GRM5: variants seen among roughly 807,000 people sequenced by gnomAD.
GRM5 encodes the protein metabotropic glutamate receptor 5.
In GRM5, 19 loss-of-function variants were observed where a neutral mutation model predicts 83.1. That is an observed-to-expected ratio of 0.23 (90% confidence interval 0.16 to 0.34). The LOEUF (loss-of-function observed/expected upper bound fraction) is 0.34. Among genes scored for constraint, GRM5 ranks in the 10% least tolerant of loss-of-function variants. The probability of loss-of-function intolerance (pLI) is 1.00; values close to 1 mark genes in which losing one functional copy is unlikely to be tolerated. For missense variants in GRM5, 1,160 were observed against 1,588.3 expected (o/e 0.73, Z 4.58); for synonymous variants, 675 against 633.6 (o/e 1.07, Z -0.98).
At chr11:88,923,881 T>C (rs563290468) in intron 2 of GRM5, among the ~76,000 whole-genome samples, 27 of 151,304 alleles carry the variant, frequency 1.8e-4, no homozygotes, top group Non-Finnish European at 3.8e-4. Context: ...TGAGTATACA[T>C]ATGAATATAT....
At chr11:88,951,349 G>C (rs965271571) in intron 2 of GRM5, among the ~76,000 whole-genome samples, 2 of 152,326 alleles carry the variant, frequency 1.3e-5, no homozygotes, top group African/African-American at 2.4e-5. Flanking sequence ...TGACAAATTA[G>C]ATTTTGGGAG....
intron 8 of GRM5, among the ~76,000 whole-genome samples, chr11:88,562,682 G>A (rs1361406641): frequency 1.3e-5 from 2 of 150,696 alleles, no homozygotes; most frequent in East Asian, 1.9e-4. Context: ...TTCCTTCTGC[G>A]ACTGCTACCA....
At chr11:89,006,437 G>A (rs1940526283) in intron 2 of GRM5, among the ~76,000 whole-genome samples, 1 of 151,998 alleles carries the variant, frequency 6.6e-6, no homozygotes, top group South Asian at 2.1e-4. Context: ...CTTCCACCTG[G>A]ACCCCTGCTC....
intron 8 of GRM5, among the ~76,000 whole-genome samples, chr11:88,554,473 T>C (rs185812237): frequency 1.3e-5 from 2 of 152,310 alleles, no homozygotes; most frequent in African/African-American, 4.8e-5. Flanking sequence ...GACTTCCAGG[T>C]TGATATTATT....
intron 8 of GRM5, among the ~76,000 whole-genome samples, chr11:88,547,384 A>G (rs1942408367): frequency 6.6e-6 from 1 of 152,184 alleles, no homozygotes. Flanking sequence ...TCTCCAAAGA[A>G]GAGAACAAAA....
intron 3 of GRM5, among the ~76,000 whole-genome samples, chr11:88,825,437 T>A (rs1943879649): frequency 6.6e-6 from 1 of 152,188 alleles, no homozygotes; most frequent in South Asian, 2.1e-4. Flanking sequence ...GAGACAGTCT[T>A]TACTTTCCTT....
intron 8 of GRM5, among the ~76,000 whole-genome samples, chr11:88,561,068 G>A (rs930646570): frequency 6.6e-6 from 1 of 152,072 alleles, no homozygotes; most frequent in African/African-American, 2.4e-5. Flanking sequence ...TCTAAAGAAC[G>A]AGAAATAGCA....
chr11:88,767,224 C>T (rs980493535), intron 3 of GRM5, among the ~76,000 whole-genome samples: 5 of 151,914 alleles, frequency 3.3e-5, no homozygotes, highest in Admixed American at 6.6e-5. Context: ...CACATATACA[C>T]TACTAGTGGG....
chr11:88,769,261 G>A (rs1591501746), intron 3 of GRM5, among the ~76,000 whole-genome samples: 1 of 152,024 alleles, frequency 6.6e-6, no homozygotes, highest in East Asian at 1.9e-4. Context: ...TTTAGACTTG[G>A]AGACAACAAT....
intron 3 of GRM5, among the ~76,000 whole-genome samples, chr11:88,779,832 A>G (rs965393847): frequency 5.9e-5 from 9 of 151,540 alleles, no homozygotes; most frequent in Non-Finnish European, 1.3e-4. Context: ...GTGAATTCCA[A>G]CTCCATGATG....
chr11:89,063,331 C>A (rs1236663282), intron 1 of GRM5: 2 of 152,264 alleles, frequency 1.3e-5, no homozygotes, highest in Non-Finnish European at 2.9e-5. Context: ...GCAAATGGAA[C>A]AGACTTGAAT....
Position 88,506,546 on chromosome 11 carries a change from C to T in GRM5, c.*2046G>A, listed in dbSNP as rs1289045976. 1 of 152,136 alleles carries T rather than the reference C, an allele frequency of 6.6e-6. No homozygotes were observed. The highest frequency in any genetic ancestry group is 1.5e-5 in the Non-Finnish European group (1 of 68,018). The allele number at this position is 152,136 out of a possible 1,614,324, so 9.4% of individuals were successfully genotyped here. On this transcript the variant is annotated 3_prime_UTR_variant, in exon 10 of 10. Coordinates refer to ENST00000305447, the MANE Select transcript of GRM5 (RefSeq NM_001143831.3). ...AACCATGAAACTTAGCTAGATTTCA[C>T]TTACATTTTAAAAGCCTCGGTGTAA...
chr11:88,748,288 T>A (rs542490417), intron 3 of GRM5, among the ~76,000 whole-genome samples: 5 of 152,194 alleles, frequency 3.3e-5, no homozygotes, highest in Non-Finnish European at 7.4e-5. Flanking sequence ...TAGCAAGGCA[T>A]GAAAGCCAAC....
intron 1 of GRM5, among the ~76,000 whole-genome samples, chr11:89,058,698 A>G (rs1253939520): frequency 1.3e-5 from 2 of 152,236 alleles, no homozygotes; most frequent in African/African-American, 4.8e-5. Context: ...GACAAATTTA[A>G]GCTTTAAGAG....
chr11:88,815,888 CA>C (rs1269349337), intron 3 of GRM5, among the ~76,000 whole-genome samples: 1 of 152,138 alleles, frequency 6.6e-6, no homozygotes, highest in Admixed American at 6.5e-5. Context: ...AAAAACGTCA[CA>C]AATCAGAGGC....
At chr11:88,665,873 T>C (rs1940031480) in intron 3 of GRM5, among the ~76,000 whole-genome samples, 1 of 149,000 alleles carries the variant, frequency 6.7e-6, no homozygotes, top group South Asian at 2.1e-4. Flanking sequence ...AAAAATGGAC[T>C]GAAGAAAGAC....
chr11:88,939,492 G>T (rs1413979938), intron 2 of GRM5, among the ~76,000 whole-genome samples: 1 of 151,760 alleles, frequency 6.6e-6, no homozygotes, highest in Non-Finnish European at 1.5e-5. Context: ...AGCTGCATAT[G>T]TGGGCAACAA....
chr11:88,539,605 C>T (rs1305260869), intron 8 of GRM5, among the ~76,000 whole-genome samples: 1 of 152,164 alleles, frequency 6.6e-6, no homozygotes, highest in African/African-American at 2.4e-5. Flanking sequence ...TTCCTCCACA[C>T]ACCCCCTAAT....
At chr11:88,612,099 C>T (rs1304714188) in intron 4 of GRM5, among the ~76,000 whole-genome samples, 26 of 147,668 alleles carry the variant, frequency 1.8e-4, no homozygotes, top group South Asian at 6.5e-4. Context: ...GTATATCTCC[C>T]GATGCTATCC....
Sources: allele counts gnomAD v4.1 joint callset (sites outside exome capture counted in the v4.1 genomes callset), GRCh38; gene constraint gnomAD v4.1.1; transcripts MANE v1.5; gene names NCBI Gene and HGNC (gene_info 2026-07-23, HGNC 2026-07-21).